Variants in HS6ST3 observed in about 807,000 individuals in gnomAD.
HS6ST3 encodes the protein heparan-sulfate 6-O-sulfotransferase 3.
A neutral mutation model predicts 36.7 loss-of-function variants in HS6ST3; 12 were observed. The observed-to-expected ratio is 0.33, with a 90% confidence interval of 0.21 to 0.53. The LOEUF is 0.53. HS6ST3 is among the 20% of genes least tolerant of loss of function. HS6ST3 has a pLI of 0.95. For missense variants in HS6ST3, 584 were observed against 640.9 expected (o/e 0.91, Z 0.96); for synonymous variants, 240 against 257.5 (o/e 0.93, Z 0.65).
intron 1 of HS6ST3, among the ~76,000 whole-genome samples, chr13:96,110,314 T>C (rs1297846809): frequency 6.6e-6 from 1 of 152,078 alleles, no homozygotes; most frequent in Non-Finnish European, 1.5e-5. Flanking sequence ...TGAGACTCAC[T>C]TGTGATCATG....
intron 1 of HS6ST3, among the ~76,000 whole-genome samples, chr13:96,605,354 C>A (rs2056435000): frequency 6.6e-6 from 1 of 152,048 alleles, no homozygotes; most frequent in Admixed American, 6.6e-5. Context: ...AATCATCATG[C>A]CTAAAATAGG....
chr13:96,564,544 T>C (rs2056274110), intron 1 of HS6ST3, among the ~76,000 whole-genome samples: 1 of 152,096 alleles, frequency 6.6e-6, no homozygotes, highest in South Asian at 2.1e-4. Flanking sequence ...CTTAAAACCA[T>C]AGCAATATAT....
chr13:96,620,254 G>A (rs2056489295), intron 1 of HS6ST3, among the ~76,000 whole-genome samples: 1 of 152,072 alleles, frequency 6.6e-6, no homozygotes, highest in Admixed American at 6.5e-5. Context: ...CACTTTGATG[G>A]TTTTCTATTA....
intron 1 of HS6ST3, among the ~76,000 whole-genome samples, chr13:96,814,484 G>T (rs1264420719): frequency 6.6e-6 from 1 of 151,978 alleles, no homozygotes; most frequent in African/African-American, 2.4e-5. Flanking sequence ...TATCTTTGGG[G>T]TTTTAACATT....
chr13:96,486,686 A>G (rs1353935377), intron 1 of HS6ST3, among the ~76,000 whole-genome samples: 2 of 152,096 alleles, frequency 1.3e-5, no homozygotes, highest in African/African-American at 2.4e-5. Context: ...GTCTGTTCAT[A>G]TCCTTTGCCC....
chr13:96,444,817 G>C (rs573103532), intron 1 of HS6ST3, among the ~76,000 whole-genome samples: 1 of 152,256 alleles, frequency 6.6e-6, no homozygotes, highest in African/African-American at 2.4e-5. Context: ...TGAAACCAAA[G>C]GATTCATCTG....
intron 1 of HS6ST3, among the ~76,000 whole-genome samples, chr13:96,716,985 G>T (rs1875713905): frequency 6.6e-6 from 1 of 152,172 alleles, no homozygotes; most frequent in East Asian, 1.9e-4. Context: ...ATTCAGGAGG[G>T]ACTGACAATC....
intron 1 of HS6ST3, among the ~76,000 whole-genome samples, chr13:96,285,472 G>A (rs1472376302): frequency 6.6e-6 from 1 of 152,170 alleles, no homozygotes; most frequent in Non-Finnish European, 1.5e-5. Flanking sequence ...TCACATATGT[G>A]ATTTAATAAA....
At chr13:96,573,665 A>T (rs1182259358) in intron 1 of HS6ST3, 2 of 285,178 alleles carry the variant, frequency 7.0e-6, no homozygotes, top group Non-Finnish European at 6.7e-6. Flanking sequence ...CCAAGTTGGC[A>T]GCAGGCTGTT....
chr13:96,325,051 C>T (rs1004256944), intron 1 of HS6ST3, among the ~76,000 whole-genome samples: 1 of 152,076 alleles, frequency 6.6e-6, no homozygotes, highest in Non-Finnish European at 1.5e-5. Flanking sequence ...AAAAAGTTTC[C>T]ACCTATCACT....
At chr13:96,351,191 T>C (rs769749888) in intron 1 of HS6ST3, among the ~76,000 whole-genome samples, 1 of 152,130 alleles carries the variant, frequency 6.6e-6, no homozygotes, top group Admixed American at 6.5e-5. Flanking sequence ...ATCTCTTACA[T>C]TTTTAGTCAT....
At chr13:96,300,910 C>A (rs2054878818) in intron 1 of HS6ST3, among the ~76,000 whole-genome samples, 1 of 152,000 alleles carries the variant, frequency 6.6e-6, no homozygotes. Context: ...CAAAAAATAC[C>A]AGAAGTACCA....
At chr13:96,672,145 A>G (rs1022037799) in intron 1 of HS6ST3, among the ~76,000 whole-genome samples, 3 of 152,170 alleles carry the variant, frequency 2.0e-5, no homozygotes, top group African/African-American at 4.8e-5. Context: ...AAAGTATGGA[A>G]TATGAAGATT....
At chr13:96,460,671 TTAATAG>T (rs1308341707) in intron 1 of HS6ST3, among the ~76,000 whole-genome samples, 1 of 152,210 alleles carries the variant, frequency 6.6e-6, no homozygotes, top group Non-Finnish European at 1.5e-5. Context: ...ATTTTTACAC[TTAATAG>T]TAAACTGTGG....
chr13:96,650,280 C>T (rs143913438), intron 1 of HS6ST3, among the ~76,000 whole-genome samples: 1 of 152,166 alleles, frequency 6.6e-6, no homozygotes, highest in Non-Finnish European at 1.5e-5. Context: ...GAATGCCAAT[C>T]GTTTTGTTCT....
intron 1 of HS6ST3, among the ~76,000 whole-genome samples, chr13:96,552,865 T>G (rs984962971): frequency 2.6e-5 from 4 of 152,092 alleles, no homozygotes; most frequent in African/African-American, 9.7e-5. Flanking sequence ...AGGCAGAACC[T>G]CAGCATAAAG....
chr13:96,102,158 G>C (rs1217467361), intron 1 of HS6ST3, among the ~76,000 whole-genome samples: 1 of 152,102 alleles, frequency 6.6e-6, no homozygotes, highest in Non-Finnish European at 1.5e-5. Flanking sequence ...GAAAGAGGTG[G>C]ACTAATGGAT....
At chr13:96,692,954 C>T (rs574772) in intron 1 of HS6ST3, among the ~76,000 whole-genome samples, 150,025 of 152,296 alleles carry the variant, frequency 0.99, 73,930 homozygotes, top group Middle Eastern at 1. Context: ...TTGTAAATTT[C>T]GCTTCAAAGG....
intron 1 of HS6ST3, among the ~76,000 whole-genome samples, chr13:96,438,579 C>T (rs540937603): frequency 7.9e-5 from 12 of 152,278 alleles, no homozygotes; most frequent in Non-Finnish European, 1.3e-4. Flanking sequence ...GTTCACATTT[C>T]TGAGGCAGAG....
Sources: allele counts gnomAD v4.1 joint callset (sites outside exome capture counted in the v4.1 genomes callset), GRCh38; gene constraint gnomAD v4.1.1; transcripts MANE v1.5; gene names NCBI Gene and HGNC (gene_info 2026-07-23, HGNC 2026-07-21).